Variants in UBE2E2 observed in about 807,000 individuals in gnomAD.
UBE2E2 encodes ubiquitin-conjugating enzyme E2 E2.
UBE2E2 carries 6 observed loss-of-function variants against 24.7 expected under a neutral mutation model. That is an observed-to-expected ratio of 0.24 (90% CI 0.13 to 0.48). UBE2E2 has a LOEUF of 0.48. UBE2E2 is among the 20% of genes least tolerant of loss of function. The pLI, the probability that UBE2E2 is intolerant of heterozygous loss-of-function variation, is 0.99. For missense variants in UBE2E2, 169 were observed against 245.0 expected, an observed-to-expected ratio of 0.69 and a Z score of 2.07; for synonymous variants, 104 against 83.6, an observed-to-expected ratio of 1.24 and a Z score of -1.33.
At chr3:23,530,536 A>G (rs965716221) in intron 4 of UBE2E2, among the ~76,000 whole-genome samples, 17 of 152,278 alleles carry the variant, frequency 1.1e-4, no homozygotes, top group African/African-American at 3.6e-4. Context: ...ATCTGATAAT[A>G]TAGTCATTTA....
chr3:23,287,723 G>A (rs1167423360), intron 3 of UBE2E2, among the ~76,000 whole-genome samples: 1 of 149,734 alleles, frequency 6.7e-6, no homozygotes, highest in Non-Finnish European at 1.5e-5. Flanking sequence ...TGCTCATAGT[G>A]CCCCTAATGA....
At chr3:23,505,924 T>C (rs1293505918) in intron 4 of UBE2E2, among the ~76,000 whole-genome samples, 1 of 152,224 alleles carries the variant, frequency 6.6e-6, no homozygotes, top group African/African-American at 2.4e-5. Flanking sequence ...TTAGTTACGA[T>C]AAGAAACAGT....
At chr3:23,442,300 A>T (rs540363762) in intron 3 of UBE2E2, among the ~76,000 whole-genome samples, 2 of 136,686 alleles carry the variant, frequency 1.5e-5, no homozygotes, top group African/African-American at 6.4e-5. Flanking sequence ...TTCTAAATTT[A>T]AAAAAAAAAA....
At chr3:23,532,418 A>G (rs1210835797) in intron 4 of UBE2E2, 136 bp from the exon 5 acceptor site, 1 of 668,108 alleles carries the variant, frequency 1.5e-6, no homozygotes, top group Non-Finnish European at 2.2e-6. Context: ...CCCAAGAAAA[A>G]AATCAAGTGT....
At chr3:23,441,084 T>C (rs1199575543) in intron 3 of UBE2E2, among the ~76,000 whole-genome samples, 2 of 152,188 alleles carry the variant, frequency 1.3e-5, no homozygotes, top group Non-Finnish European at 2.9e-5. Context: ...CTGGGGTTTT[T>C]ACACCGACTT....
intron 3 of UBE2E2, among the ~76,000 whole-genome samples, chr3:23,231,190 C>T (rs1319567382): frequency 6.6e-6 from 1 of 152,202 alleles, no homozygotes. Context: ...TTGTCCTCTT[C>T]ACCCATAGAT....
intron 3 of UBE2E2, among the ~76,000 whole-genome samples, chr3:23,401,874 GT>G (rs1697232509): frequency 4.1e-5 from 1 of 24,212 alleles, no homozygotes; most frequent in Non-Finnish European, 8.7e-5. Flanking sequence ...TTTTTTTTTT[GT>G]GAGATGGAGT....
chr3:23,263,037 G>A (rs1697945156), intron 3 of UBE2E2, among the ~76,000 whole-genome samples: 1 of 152,176 alleles, frequency 6.6e-6, no homozygotes, highest in Non-Finnish European at 1.5e-5. Context: ...GCAGGCAGAA[G>A]TTGCTGTTAC....
At chr3:23,457,662 T>C (rs1698709900) in intron 3 of UBE2E2, among the ~76,000 whole-genome samples, 1 of 152,134 alleles carries the variant, frequency 6.6e-6, no homozygotes, top group African/African-American at 2.4e-5. Flanking sequence ...ACTACAGGCA[T>C]TCACCACCAT....
intron 5 of UBE2E2, among the ~76,000 whole-genome samples, chr3:23,568,736 T>TATATATATATATGTATAC (rs1487186489): frequency 9.6e-5 from 8 of 83,556 alleles, no homozygotes; most frequent in African/African-American, 4.4e-4. Flanking sequence ...TATGTATACA[T>TATATATATATATGTATAC]ATATATATAT....
rs569620366 is a variant in UBE2E2, at chr3:23,524,019, T to G, written c.361-8535T>G. Among the ~76,000 whole-genome samples, 22 of 152,258 alleles carry G rather than the reference T, an allele frequency of 1.4e-4. No homozygotes were observed. The Middle Eastern group carries it at 0.014, about 94-fold the overall frequency. ...TTTTAAAAAGAATGTTCTCACTGAT[T>G]GCAGATTTTCTCAGTAAAAGCAAGG... On this transcript the variant is annotated intron_variant, in intron 4 of 5. Coordinates refer to ENST00000396703, the MANE Select transcript of UBE2E2 (RefSeq NM_152653.4).
At chr3:23,308,074 G>A (rs935648418) in intron 3 of UBE2E2, among the ~76,000 whole-genome samples, 2 of 152,114 alleles carry the variant, frequency 1.3e-5, no homozygotes, top group African/African-American at 2.4e-5. Context: ...AGTGGCTTTG[G>A]CTTGAATAGT....
At chr3:23,371,768 C>A (rs934338706) in intron 3 of UBE2E2, among the ~76,000 whole-genome samples, 5 of 151,946 alleles carry the variant, frequency 3.3e-5, no homozygotes, top group Admixed American at 3.3e-4. Context: ...TCTTTGGTTG[C>A]GATAATGTTT....
chr3:23,394,508 T>C (rs1173030506), intron 3 of UBE2E2, among the ~76,000 whole-genome samples: 1 of 152,162 alleles, frequency 6.6e-6, no homozygotes, highest in African/African-American at 2.4e-5. Flanking sequence ...TAGACCGTGC[T>C]TCCTGCCAAG....
intron 3 of UBE2E2, among the ~76,000 whole-genome samples, chr3:23,353,386 G>A (rs1446502552): frequency 6.6e-6 from 1 of 151,942 alleles, no homozygotes; most frequent in African/African-American, 2.4e-5. Context: ...TTCTGGCCAG[G>A]GCAGTTAGGC....
intron 3 of UBE2E2, among the ~76,000 whole-genome samples, chr3:23,396,398 T>C (rs995735453): frequency 6.7e-6 from 1 of 149,864 alleles, no homozygotes; most frequent in Non-Finnish European, 1.5e-5. Flanking sequence ...TGTATATGTG[T>C]ATAGTATATA....
intron 3 of UBE2E2, among the ~76,000 whole-genome samples, chr3:23,310,673 C>G (rs1278569742): frequency 6.6e-6 from 1 of 152,064 alleles, no homozygotes; most frequent in Non-Finnish European, 1.5e-5. Context: ...CACTTGAGCC[C>G]TGGAGTTCAA....
In UBE2E2 at chr3:23,590,023, CTT is replaced by C; in HGVS notation, c.*195_*196del. ...CCCCCCTTCCTCTCTCCCACGCTCT[CTT>C]TTATCTCTCATTTTATTCCCTTGTT... On this transcript the variant is annotated 3_prime_UTR_variant, in exon 6 of 6. Coordinates refer to ENST00000396703, the MANE Select transcript of UBE2E2 (RefSeq NM_152653.4). The C allele has an allele frequency of 2.0e-6, 1 of 506,594 alleles. No homozygotes were observed. The highest frequency in any genetic ancestry group is 3.9e-5 in the South Asian group (1 of 25,598). 31.4% of individuals were successfully genotyped at this position (506,594 alleles called of 1,614,324 possible).
chr3:23,549,037 C>A (rs1430164768), intron 5 of UBE2E2, among the ~76,000 whole-genome samples: 1 of 152,112 alleles, frequency 6.6e-6, no homozygotes, highest in African/African-American at 2.4e-5. Flanking sequence ...CAGTACCTAC[C>A]TTCTTAATAA....
Sources: gnomAD v4.1 joint callset for allele counts (sites outside exome capture counted in the v4.1 genomes callset) on GRCh38, gnomAD v4.1.1 for gene constraint, MANE v1.5 for transcripts, NCBI Gene and HGNC (gene_info 2026-07-23, HGNC 2026-07-21) for gene names.